The following AGBL4 variants were observed in gnomAD, a reference collection of about 807,000 sequenced individuals.
AGBL4 encodes cytosolic carboxypeptidase 6.
Under a neutral mutation model 66.4 loss-of-function variants are expected in AGBL4, and 58 were observed. The ratio of observed to expected loss-of-function variants is 0.87; its 90% confidence interval spans 0.71 to 1.09. AGBL4 has a LOEUF of 1.09. Ranked by LOEUF, AGBL4 falls within the 50% of genes least tolerant of loss-of-function variation. The pLI, the probability that AGBL4 is intolerant of heterozygous loss-of-function variation, is 0.00. For synonymous variants in AGBL4, 234 were observed against 222.9 expected, an observed-to-expected ratio of 1.05 and a Z score of -0.44; for missense variants, 579 against 631.0, an observed-to-expected ratio of 0.92 and a Z score of 0.88.
chr1:48,833,511 G>A (rs1405436629), intron 6 of AGBL4, among the ~76,000 whole-genome samples: 1 of 152,176 alleles, frequency 6.6e-6, no homozygotes, highest in Non-Finnish European at 1.5e-5. Context: ...TAAGCAAAAA[G>A]CAAGCTGAAT....
chr1:48,903,548 T>C (rs1652297351), intron 5 of AGBL4, among the ~76,000 whole-genome samples: 1 of 152,220 alleles, frequency 6.6e-6, no homozygotes, highest in Non-Finnish European at 1.5e-5. Context: ...GGACACCAGG[T>C]GATGGCTTCA....
intron 5 of AGBL4, among the ~76,000 whole-genome samples, chr1:48,900,479 T>C (rs913443047): frequency 5.3e-5 from 8 of 152,208 alleles, no homozygotes; most frequent in African/African-American, 1.9e-4. Context: ...CACTACCTGA[T>C]TTAAAGACTT....
At chr1:49,083,473 C>T (rs1644843163) in intron 4 of AGBL4, among the ~76,000 whole-genome samples, 4 of 152,230 alleles carry the variant, frequency 2.6e-5, no homozygotes, top group Admixed American at 1.3e-4. Context: ...GGGGCTTGCA[C>T]CCTGTGAAGC....
chr1:48,873,889 C>A (rs1239125089), intron 5 of AGBL4, among the ~76,000 whole-genome samples: 1 of 152,052 alleles, frequency 6.6e-6, no homozygotes, highest in Non-Finnish European at 1.5e-5. Flanking sequence ...GTCACGACTG[C>A]ATTGCAATTA....
At chr1:48,703,298 A>G (rs1038017579) in intron 6 of AGBL4, among the ~76,000 whole-genome samples, 2 of 152,200 alleles carry the variant, frequency 1.3e-5, no homozygotes, top group Admixed American at 1.3e-4. Flanking sequence ...GGGACAAAAT[A>G]AAATACCACA....
chr1:48,584,023 T>C (rs1644779779), intron 11 of AGBL4: 1 of 152,138 alleles, frequency 6.6e-6, no homozygotes, highest in Non-Finnish European at 1.5e-5. Context: ...AGCTTGTGCA[T>C]AGCCTCTCTA....
chr1:48,619,132 T>C (rs1435389931), intron 9 of AGBL4, among the ~76,000 whole-genome samples: 1 of 152,216 alleles, frequency 6.6e-6, no homozygotes, highest in Non-Finnish European at 1.5e-5. Context: ...TGGCTTCCAC[T>C]TCAAGTCCTT....
At chr1:49,238,039 A>G (rs748408770) in intron 4 of AGBL4, among the ~76,000 whole-genome samples, 3 of 152,078 alleles carry the variant, frequency 2.0e-5, no homozygotes, top group Non-Finnish European at 2.9e-5. Flanking sequence ...AGGCTTCAAT[A>G]GTTTCTGTTG....
intron 4 of AGBL4, among the ~76,000 whole-genome samples, chr1:49,076,070 T>C (rs1357996339): frequency 6.6e-6 from 1 of 152,190 alleles, no homozygotes; most frequent in African/African-American, 2.4e-5. Flanking sequence ...TAAGGCAATA[T>C]ATTTTCTCTT....
At chr1:49,499,043 G>A (rs899911718) in intron 3 of AGBL4, among the ~76,000 whole-genome samples, 1 of 151,938 alleles carries the variant, frequency 6.6e-6, no homozygotes. Context: ...TCCTTGTATG[G>A]CTTTGGTTTC....
intron 4 of AGBL4, among the ~76,000 whole-genome samples, chr1:49,120,264 T>C (rs2148042585): frequency 6.6e-6 from 1 of 152,334 alleles, no homozygotes; most frequent in Non-Finnish European, 1.5e-5. Context: ...AGTTTCTTTA[T>C]AGCATTGATG....
At chr1:49,915,816 T>C (rs1651398846) in intron 1 of AGBL4, among the ~76,000 whole-genome samples, 1 of 152,078 alleles carries the variant, frequency 6.6e-6, no homozygotes, top group South Asian at 2.1e-4. Context: ...CTGAGGAGCC[T>C]AACTGGGAGA....
intron 1 of AGBL4, among the ~76,000 whole-genome samples, chr1:50,014,556 T>G (rs1661816904): frequency 1.4e-5 from 2 of 147,402 alleles, no homozygotes; most frequent in Admixed American, 1.3e-4. Flanking sequence ...TTTTTTTTTT[T>G]TTGGAGAGAG....
At chr1:49,981,951 A>G (rs541553944) in intron 1 of AGBL4, among the ~76,000 whole-genome samples, 7 of 152,266 alleles carry the variant, frequency 4.6e-5, no homozygotes, top group African/African-American at 1.4e-4. Flanking sequence ...CAAACATGAA[A>G]CTCATTGGAT....
intron 1 of AGBL4, among the ~76,000 whole-genome samples, chr1:49,950,438 C>T (rs536963450): frequency 6.6e-6 from 1 of 151,520 alleles, no homozygotes; most frequent in South Asian, 2.1e-4. Flanking sequence ...GGATAAAAGA[C>T]TACAAATTTG....
At chr1:48,540,025 A>C (rs534534587) in intron 11 of AGBL4, among the ~76,000 whole-genome samples, 1 of 152,262 alleles carries the variant, frequency 6.6e-6, no homozygotes, top group Admixed American at 6.5e-5. Flanking sequence ...GGGAGTCATA[A>C]CCCAAAGCCT....
chr1:49,474,128 A>G (rs900685697), intron 3 of AGBL4, among the ~76,000 whole-genome samples: 7 of 152,014 alleles, frequency 4.6e-5, no homozygotes, highest in African/African-American at 1.4e-4. Flanking sequence ...TTAGTTCCAT[A>G]TGAACTTTAT....
At chr1:49,447,473 TGGTTCCCAG>T (rs1200267256) in intron 3 of AGBL4, among the ~76,000 whole-genome samples, 3 of 152,124 alleles carry the variant, frequency 2.0e-5, no homozygotes, top group Non-Finnish European at 4.4e-5. Context: ...ATGCAAGCTG[TGGTTCCCAG>T]GACTGAATGT....
At chr1:49,505,352 A>G (rs1465152703) in intron 3 of AGBL4, among the ~76,000 whole-genome samples, 1 of 151,634 alleles carries the variant, frequency 6.6e-6, no homozygotes, top group African/African-American at 2.4e-5. Context: ...TTTTTGTGTC[A>G]CTAATTAGTG....
Sources: allele counts gnomAD v4.1 joint callset (sites outside exome capture counted in the v4.1 genomes callset), GRCh38; gene constraint gnomAD v4.1.1; transcripts MANE v1.5; gene names NCBI Gene and HGNC (gene_info 2026-07-23, HGNC 2026-07-21).